KIRREL1: variants seen among roughly 807,000 people sequenced by gnomAD.
The protein encoded by KIRREL1 is kin of IRRE-like protein 1.
Under a neutral mutation model 83.3 loss-of-function variants are expected in KIRREL1, and 25 were observed. The observed-to-expected ratio is 0.30, with a 90% CI of 0.22 to 0.42. The LOEUF (loss-of-function observed/expected upper bound fraction) is 0.42, where lower values mean the gene tolerates loss of function less well. KIRREL1 is among the 10% of genes least tolerant of loss of function. The probability of loss-of-function intolerance (pLI) is 1.00; values close to 1 mark genes in which losing one functional copy is unlikely to be tolerated. For missense variants in KIRREL1, 812 were observed against 1,032.3 expected (o/e 0.79, Z 2.92); for synonymous variants, 388 against 410.4 (o/e 0.95, Z 0.66).
At chr1:158,022,733 C>T (rs1415438988) in intron 1 of KIRREL1, among the ~76,000 whole-genome samples, 2 of 152,196 alleles carry the variant, frequency 1.3e-5, no homozygotes, top group African/African-American at 2.4e-5. Flanking sequence ...ATAACTTAAT[C>T]GGAAGGGCGG....
At chr1:158,032,686 C>T (rs1660361629) in intron 1 of KIRREL1, among the ~76,000 whole-genome samples, 1 of 152,160 alleles carries the variant, frequency 6.6e-6, no homozygotes, top group African/African-American at 2.4e-5. Flanking sequence ...AGAACCGCCC[C>T]CCACCTCCCA....
rs541670529 is a variant in KIRREL1, at chr1:158,002,312, A to T, written c.52+8584A>T. Among the ~76,000 whole-genome samples, 10 of 152,300 alleles carry T rather than the reference A, an allele frequency of 6.6e-5. No individual in the cohort carries two copies. In the South Asian group the frequency reaches 1.9e-3, roughly 28 times the overall value. On this transcript the variant is annotated intron_variant, in intron 1 of 14. Coordinates refer to ENST00000359209, the MANE Select transcript of KIRREL1 (RefSeq NM_018240.7). ...CTTGGGCCATGTCTACACTGCCCAG[A>T]GTCAAGGGGAGCCATCTGGTTCCAT...
chr1:158,052,785 CAAAA>C (rs573590222), intron 1 of KIRREL1, among the ~76,000 whole-genome samples: 1 of 150,638 alleles, frequency 6.6e-6, no homozygotes, highest in South Asian at 2.1e-4. Flanking sequence ...GATTCCATTT[CAAAA>C]AAAAAGAGAG....
intron 1 of KIRREL1, among the ~76,000 whole-genome samples, chr1:157,994,474 G>A (rs549148391): frequency 6.6e-6 from 1 of 152,122 alleles, no homozygotes; most frequent in South Asian, 2.1e-4. Flanking sequence ...TTGCTGTCTG[G>A]GGCTTATTTG....
rs944557910 is a variant in KIRREL1, at chr1:158,017,165, C to T, written c.52+23437C>T. ...GTGGAGACACTCATCATTGCACGCA[C>T]GGCCCAGGAAATGGGCATCTCCCTG... On this transcript the variant is annotated intron_variant, in intron 1 of 14. Transcript: ENST00000359209. 4.6e-5 allele frequency among the ~76,000 whole-genome samples: 7 copies of T among 152,174 alleles called. No homozygotes were observed. In the South Asian group the frequency reaches 1.2e-3, roughly 27 times the overall value.
At chr1:158,079,502 G>A (rs189994240) in intron 3 of KIRREL1, among the ~76,000 whole-genome samples, 198 of 152,328 alleles carry the variant, frequency 1.3e-3, no homozygotes, top group Non-Finnish European at 2.3e-3. Context: ...GTATTTTTTA[G>A]TAGAGACGGT....
chr1:158,000,647 T>C (rs1186839898), intron 1 of KIRREL1, among the ~76,000 whole-genome samples: 1 of 152,156 alleles, frequency 6.6e-6, no homozygotes, highest in African/African-American at 2.4e-5. Context: ...TCCCACTTAC[T>C]CTCCCTCTAT....
chr1:158,070,227 G>C (rs1661474567), intron 1 of KIRREL1, among the ~76,000 whole-genome samples: 1 of 152,162 alleles, frequency 6.6e-6, no homozygotes, highest in Non-Finnish European at 1.5e-5. Context: ...TCTCTTCTGG[G>C]TAGAGGTCAT....
intron 5 of KIRREL1, 36 bp from the exon 6 acceptor site, chr1:158,087,719 A>G (rs1296476124): frequency 6.6e-7 from 1 of 1,504,340 alleles, no homozygotes; most frequent in African/African-American, 1.4e-5. Flanking sequence ...CTCAAGGGAC[A>G]GAAAAGACCC....
chr1:158,029,538 A>T (rs1401756219), intron 1 of KIRREL1, among the ~76,000 whole-genome samples: 2 of 152,118 alleles, frequency 1.3e-5, no homozygotes, highest in Non-Finnish European at 2.9e-5. Flanking sequence ...TGATGGGGAA[A>T]CTTTTAGCCC....
intron 1 of KIRREL1, among the ~76,000 whole-genome samples, chr1:158,023,736 A>G (rs1660070921): frequency 6.6e-6 from 1 of 152,230 alleles, no homozygotes; most frequent in South Asian, 2.1e-4. Flanking sequence ...GGATTAAATA[A>G]TTTCTTAGAT....
intron 6 of KIRREL1, 59 bp from the exon 7 acceptor site, chr1:158,087,947 T>A (rs1292956389): frequency 1.2e-6 from 2 of 1,610,210 alleles, no homozygotes; most frequent in Non-Finnish European, 1.7e-6. Context: ...CCAGGTGTCA[T>A]GGATGTAGTT....
chr1:158,065,359 G>A (rs1661330194), intron 1 of KIRREL1, among the ~76,000 whole-genome samples: 1 of 152,184 alleles, frequency 6.6e-6, no homozygotes, highest in Non-Finnish European at 1.5e-5. Context: ...GTAAGCAGTG[G>A]GAGGTTTTCA....
chr1:158,088,252 G>C, intron 7 of KIRREL1, 75 bp from the exon 8 acceptor site: 2 of 1,603,090 alleles, frequency 1.2e-6, no homozygotes, highest in Non-Finnish European at 1.7e-6. Flanking sequence ...GGAGGTAGCA[G>C]GGCAGGAGGA....
intron 1 of KIRREL1, among the ~76,000 whole-genome samples, chr1:158,052,823 C>G (rs546672402): frequency 3.3e-5 from 5 of 152,124 alleles, no homozygotes; most frequent in Middle Eastern, 6.8e-3. Flanking sequence ...GCTCACGGTT[C>G]TGCAGGCACC....
In KIRREL1 at chr1:158,058,874, C is replaced by T. The variant is rs944525757; in HGVS notation, c.53-17239C>T. Among the ~76,000 whole-genome samples, 9 of 152,114 alleles carry T rather than the reference C, an allele frequency of 5.9e-5. No homozygotes were observed. The South Asian group carries it at 6.2e-4, about 11-fold the overall frequency. ...CCATCCTGATAATCAGATTTGGCTG[C>T]GGCAAGAACAGAACATAATACTGAG... On this transcript the variant is annotated intron_variant, in intron 1 of 14. Transcript: ENST00000359209.
intron 1 of KIRREL1, among the ~76,000 whole-genome samples, chr1:158,010,459 A>ACT (rs1659654611): frequency 2.1e-5 from 3 of 144,498 alleles, no homozygotes; most frequent in Admixed American, 7.0e-5. Context: ...ACACACACAC[A>ACT]CTGTCCTGAG....
rs552335469 is a variant in KIRREL1, at chr1:158,005,704, G to T, written c.52+11976G>T. Reference sequence around the variant, plus strand: ...TTGCATGATTTGGGAAGGAAGGTAGGTCATAGACTTAATTGGGTGCATGAT... The same window carrying T: ...TTGCATGATTTGGGAAGGAAGGTAGTTCATAGACTTAATTGGGTGCATGAT... On this transcript the variant is annotated intron_variant, in intron 1 of 14. Coordinates refer to ENST00000359209, the MANE Select transcript of KIRREL1 (RefSeq NM_018240.7). Among the ~76,000 whole-genome samples the T allele has an allele frequency of 7.9e-5, 12 of 152,236 alleles. No homozygotes were observed. In the South Asian group the frequency reaches 2.5e-3, roughly 32 times the overall value.
At chr1:157,997,405 C>T (rs1164879825) in intron 1 of KIRREL1, among the ~76,000 whole-genome samples, 2 of 152,104 alleles carry the variant, frequency 1.3e-5, no homozygotes, top group Admixed American at 6.5e-5. Context: ...TGAGGTGAGA[C>T]ATAGATAGAC....
Sources: allele counts gnomAD v4.1 joint callset (sites outside exome capture counted in the v4.1 genomes callset), GRCh38; gene constraint gnomAD v4.1.1; transcripts MANE v1.5; gene names NCBI Gene and HGNC (gene_info 2026-07-23, HGNC 2026-07-21).